ARSK: variants seen among roughly 807,000 people sequenced by gnomAD.
ARSK encodes the protein arylsulfatase family member K.
Under a neutral mutation model 53.2 loss-of-function variants are expected in ARSK, and 37 were observed. The ratio of observed to expected loss-of-function variants is 0.70; its 90% CI spans 0.54 to 0.92. ARSK has a LOEUF of 0.92. Among genes scored for constraint, ARSK ranks in the 40% least tolerant of loss-of-function variants. The pLI is 0.00. For synonymous variants in ARSK, 208 were observed against 223.2 expected, an observed-to-expected ratio of 0.93 and a Z score of 0.61; for missense variants, 613 against 643.0, an observed-to-expected ratio of 0.95 and a Z score of 0.51.
At chr5:95,558,872 G>A (rs1402453958) in intron 1 of ARSK, among the ~76,000 whole-genome samples, 2 of 152,192 alleles carry the variant, frequency 1.3e-5, no homozygotes, top group African/African-American at 4.8e-5. Flanking sequence ...CGGGCGCGGT[G>A]GCTCACACCT....
intron 2 of ARSK, among the ~76,000 whole-genome samples, chr5:95,567,005 G>A (rs1364988258): frequency 6.6e-6 from 1 of 152,202 alleles, no homozygotes; most frequent in Non-Finnish European, 1.5e-5. Flanking sequence ...TTTGTTAACT[G>A]TAAAGTAGAA....
intron 5 of ARSK, among the ~76,000 whole-genome samples, chr5:95,587,874 C>A (rs1749148686): frequency 6.7e-6 from 1 of 149,760 alleles, no homozygotes; most frequent in Non-Finnish European, 1.5e-5. Context: ...CCACTGCACT[C>A]CAGCCTGGGT....
chr5:95,593,757 C>T (rs1172662247), intron 6 of ARSK, among the ~76,000 whole-genome samples: 1 of 152,186 alleles, frequency 6.6e-6, no homozygotes, highest in Non-Finnish European at 1.5e-5. Context: ...AGAAACTCCT[C>T]TAAATTCCAT....
chr5:95,590,921 T>G (rs973574418), intron 5 of ARSK, among the ~76,000 whole-genome samples: 3 of 152,162 alleles, frequency 2.0e-5, no homozygotes. Context: ...CATGATCTGG[T>G]GATTGCTTAG....
At chr5:95,579,341 C>G (rs1316132807) in intron 3 of ARSK, among the ~76,000 whole-genome samples, 4 of 152,158 alleles carry the variant, frequency 2.6e-5, no homozygotes, top group Admixed American at 2.6e-4. Context: ...ACTCACAGTT[C>G]CATGTGGCTT....
chr5:95,586,794 C>G (rs1749120594), intron 5 of ARSK, 61 bp downstream of exon 5: 4 of 1,389,916 alleles, frequency 2.9e-6, no homozygotes, highest in Non-Finnish European at 3.9e-6. Flanking sequence ...TTCCAACAGT[C>G]TGTAATCATG....
intron 4 of ARSK, among the ~76,000 whole-genome samples, chr5:95,585,179 G>A (rs1749092033): frequency 6.6e-6 from 1 of 152,146 alleles, no homozygotes; most frequent in African/African-American, 2.4e-5. Context: ...AATAATAGAT[G>A]TTGGCGGGGA....
chr5:95,590,480 G>A (rs963520875), intron 5 of ARSK, among the ~76,000 whole-genome samples: 4 of 152,092 alleles, frequency 2.6e-5, no homozygotes, highest in African/African-American at 9.7e-5. Flanking sequence ...AATTTAGAAA[G>A]ATAGACACCA....
chr5:95,575,626 T>A (rs1177548156), intron 3 of ARSK, among the ~76,000 whole-genome samples: 1 of 152,214 alleles, frequency 6.6e-6, no homozygotes, highest in Admixed American at 6.5e-5. Context: ...TTGTAGCGGT[T>A]ACTTTCTTCA....
chr5:95,569,140 G>C (rs113173403), intron 3 of ARSK, among the ~76,000 whole-genome samples: 2 of 151,886 alleles, frequency 1.3e-5, no homozygotes, highest in African/African-American at 4.8e-5. Flanking sequence ...ACTGAACTTC[G>C]GTGTGATCTT....
At position 95,586,628 on chromosome 5, in the gene ARSK, T is replaced by C; in HGVS notation, c.766T>C (p.Tyr256His). 5 of 1,612,344 alleles carry C rather than the reference T, an allele frequency of 3.1e-6. No homozygotes were observed. Among genetic ancestry groups the C allele is most frequent in the Non-Finnish European group, 4.2e-6 (5 of 1,178,986 alleles). The change falls in exon 5 of 8, where the codon TAC (tyrosine) becomes CAC (histidine). Residue 256 changes from tyrosine (Y) to histidine (H), a missense_variant. By Grantham distance (83) the Tyr-to-His change is moderately conservative (BLOSUM62 2). Coordinates refer to ENST00000380009, the MANE Select transcript of ARSK (RefSeq NM_198150.3). ...GTCAGAAATGCACCCTGTAGATTAT[T>C]ACTCTTCTTATACAAAAAACTGCAC... is the stretch of plus-strand genomic sequence containing the variant. ...PLSEMHPVDY[Y>H]SSYTKNCTGR...
chr5:95,576,801 T>C (rs1748931663), intron 3 of ARSK, among the ~76,000 whole-genome samples: 1 of 152,066 alleles, frequency 6.6e-6, no homozygotes, highest in African/African-American at 2.4e-5. Flanking sequence ...TGCCAGACCC[T>C]TTTTGGCTCA....
intron 3 of ARSK, among the ~76,000 whole-genome samples, chr5:95,571,011 G>A (rs1359340791): frequency 1.3e-5 from 2 of 152,198 alleles, no homozygotes; most frequent in Non-Finnish European, 2.9e-5. Context: ...TGGAACTCCT[G>A]ACCTCATGAT....
intron 4 of ARSK, 66 bp downstream of exon 4, chr5:95,583,264 T>C (rs1749052704): frequency 1.5e-6 from 2 of 1,313,774 alleles, no homozygotes; most frequent in Admixed American, 5.2e-5. Flanking sequence ...TATTTGCTCA[T>C]TGTTTCTTTT....
rs547868309 is a variant in ARSK, at chr5:95,561,596, A to G, written c.127-4402A>G. 1.6e-3 allele frequency among the ~76,000 whole-genome samples: 241 copies of G among 152,382 alleles called. 3 individuals are homozygous for G. The highest frequency in any genetic ancestry group is 5.6e-3 in the African/African-American group (235 of 41,596). On this transcript the variant is annotated intron_variant, in intron 1 of 7. Coordinates refer to ENST00000380009, the MANE Select transcript of ARSK (RefSeq NM_198150.3). ...TAAAAAATATGGTATATGCTACAAT[A>G]TAGATGAAACTTAAAAAGATTATGC...
intron 1 of ARSK, among the ~76,000 whole-genome samples, chr5:95,560,132 T>C (rs999296776): frequency 2.0e-5 from 3 of 152,198 alleles, no homozygotes; most frequent in Admixed American, 6.5e-5. Flanking sequence ...CAAGGAAATA[T>C]AGTTCTTATA....
intron 3 of ARSK, 25 bp downstream of exon 3, chr5:95,568,074 T>C (rs1421021430): frequency 6.2e-7 from 1 of 1,609,508 alleles, no homozygotes. Context: ...AAAATAATCA[T>C]CATGGACTGC....
chr5:95,563,285 C>A (rs909255826), intron 1 of ARSK, among the ~76,000 whole-genome samples: 1 of 152,140 alleles, frequency 6.6e-6, no homozygotes, highest in South Asian at 2.1e-4. Flanking sequence ...AATTGATATG[C>A]TTAATCCAGT....
chr5:95,565,809 C>T (rs1190567155), intron 1 of ARSK, among the ~76,000 whole-genome samples, 189 bp from the exon 2 acceptor site: 3 of 152,130 alleles, frequency 2.0e-5, no homozygotes, highest in Admixed American at 6.5e-5. Context: ...CCAAGTGTAA[C>T]GCTGCACTGA....
Sources: gnomAD v4.1 joint callset for allele counts (sites outside exome capture counted in the v4.1 genomes callset) on GRCh38, gnomAD v4.1.1 for gene constraint, MANE v1.5 for transcripts, NCBI Gene and HGNC (gene_info 2026-07-23, HGNC 2026-07-21) for gene names.